The following POMGNT1 variants were observed in gnomAD, a reference collection of about 807,000 sequenced individuals.
The protein encoded by POMGNT1 is protein O-linked mannose N-acetylglucosaminyltransferase 1 (beta 1,2-), also known as protein O-linked-mannose beta-1,2-N-acetylglucosaminyltransferase 1.
Under a neutral mutation model 95.6 loss-of-function variants are expected in POMGNT1, and 67 were observed. The observed-to-expected ratio is 0.70, with a 90% confidence interval of 0.58 to 0.86. The LOEUF is 0.86. Among genes scored for constraint, POMGNT1 ranks in the 40% least tolerant of loss-of-function variants. The pLI, the probability that POMGNT1 is intolerant of heterozygous loss-of-function variation, is 0.00. For synonymous variants in POMGNT1, 298 were observed against 317.9 expected (o/e 0.94, Z 0.66); for missense variants, 719 against 855.2 (o/e 0.84, Z 1.99).
At chr1:46,203,142 G>C (rs1426547653), upstream of POMGNT1, among the ~76,000 whole-genome samples, 1 of 152,118 alleles carries the variant, frequency 6.6e-6, no homozygotes, top group Non-Finnish European at 1.5e-5. Context: ...TTCAGTGCCA[G>C]GGTGGGGCGA....
chr1:46,198,008 C>T (rs769271841), intron 1 of POMGNT1, 137 bp from the exon 2 acceptor site: 13 of 797,474 alleles, frequency 1.6e-5, no homozygotes, highest in Admixed American at 2.9e-5. Flanking sequence ...AGTGGCTCAA[C>T]TTCTCTGGGC....
rs567544680 is a variant in POMGNT1 at position 46,206,272 on chromosome 1, AG to A, written c.-50-8402del. ...CCTCAGTTTTTCCTCCTTTTGGTGG[AG>A]GGGGTAGAGGGAGATGGGGACTGTG... is the stretch of plus-strand genomic sequence containing the variant. On this transcript the variant is annotated intron_variant, in intron 1 of 22. Coordinates refer to the POMGNT1 transcript ENST00000371992. 4.9e-3 allele frequency among the ~76,000 whole-genome samples: 739 copies of A among 152,210 alleles called. 9 individuals are homozygous for A. Among genetic ancestry groups the A allele is most frequent in the Non-Finnish European group, 3.5e-3 (236 of 68,006 alleles).
intron 7 of POMGNT1, 85 bp from the exon 8 acceptor site, chr1:46,194,736 A>G: frequency 1.2e-6 from 2 of 1,613,888 alleles, no homozygotes; most frequent in East Asian, 4.5e-5. Context: ...CTTTCATCCA[A>G]CCCACTGCCA....
intron 14 of POMGNT1, 78 bp from the exon 15 acceptor site, chr1:46,192,668 G>T: frequency 1.9e-6 from 3 of 1,603,580 alleles, no homozygotes; most frequent in Non-Finnish European, 2.6e-6. Flanking sequence ...AATTGCTGGA[G>T]CTGGGTCTCA....
chr1:46,194,666 G>A lies in POMGNT1; in HGVS notation c.653-15C>T, dbSNP rs2148203041. The A allele has an allele frequency of 6.2e-7, 1 of 1,614,262 alleles. No individual in the cohort carries two copies. Among genetic ancestry groups the A allele is most frequent in the Non-Finnish European group, 8.5e-7 (1 of 1,180,056 alleles). On this transcript the variant is annotated splice_polypyrimidine_tract_variant and intron_variant, in intron 7 of 21. Coordinates refer to ENST00000371984, the MANE Select transcript of POMGNT1 (RefSeq NM_017739.4). ...GAAGACAGGACCTGGCAGGAGGCAG[G>A]AATGAGGGCCATGGGGGCCCAGACA...
rs181977554 is a variant in POMGNT1, at chr1:46,196,175, C to T, written c.355-98G>A. 680 of 1,588,766 alleles carry T rather than the reference C, an allele frequency of 4.3e-4. 4 individuals are homozygous for T. The highest frequency in any genetic ancestry group is 2.7e-5 in the Non-Finnish European group (32 of 1,170,404). ...AAACACCAGCTGCTTGAAACATCAC[C>T]TCCTGCCTATGTTTCTGTTCACACA... On this transcript the variant is annotated intron_variant, in intron 4 of 21. Coordinates refer to ENST00000371984, the MANE Select transcript of POMGNT1 (RefSeq NM_017739.4). The surrounding 1 kb of genome is among the most constrained non-coding windows in gnomAD (Gnocchi z 4.4).
upstream of POMGNT1, among the ~76,000 whole-genome samples, chr1:46,203,165 C>T (rs1658599996): frequency 6.6e-6 from 1 of 152,114 alleles, no homozygotes; most frequent in South Asian, 2.1e-4. Flanking sequence ...GCGCTGAGGT[C>T]TCCGAGTGCT....
intron 18 of POMGNT1, 85 bp from the exon 19 acceptor site, chr1:46,190,602 G>A: frequency 6.5e-7 from 1 of 1,532,836 alleles, no homozygotes; most frequent in Non-Finnish European, 9.0e-7. Flanking sequence ...GGGGTCACAT[G>A]GGAATCTGTA....
chr1:46,197,260 C>A, intron 2 of POMGNT1, 176 bp from the exon 3 acceptor site: 1 of 1,531,072 alleles, frequency 6.5e-7, no homozygotes, highest in African/African-American at 1.4e-5. Context: ...GCCACTTTCC[C>A]CAGGGAACCT....
exon 1 of POMGNT1, chr1:46,220,233 C>G (rs1305650130): frequency 6.3e-7 from 1 of 1,585,960 alleles, no homozygotes; most frequent in South Asian, 1.1e-5. Flanking sequence ...ACTATTCCAC[C>G]CTTTTGTAAT....
rs1350227349 is a variant in POMGNT1 at position 46,189,494 on chromosome 1, T to C, written c.1859A>G (p.His620Arg). 3 of 1,613,544 alleles carry C rather than the reference T, an allele frequency of 1.9e-6. No individual in the cohort carries two copies. Among genetic ancestry groups the C allele is most frequent in the East Asian group, 2.2e-5 (1 of 44,862 alleles). ...GLWRLFRKKN[H>R]FLMVGVPASP... The stretch of plus-strand genomic sequence containing the variant: ...AGCCGGGACCCCCACCATCAGGAAG[T>C]GGTTCTTCTTCCGAAACAATCTCCA... The change falls in exon 21 of 22, where the codon CAC becomes CGC. Residue 620 changes from histidine (H) to arginine (R), a missense_variant. By Grantham distance (29) the His-to-Arg change is conservative. Coordinates refer to ENST00000371984, the MANE Select transcript of POMGNT1 (RefSeq NM_017739.4).
Position 46,189,520 on chromosome 1 carries a change from CA to C in POMGNT1, c.1832del (p.Leu611ArgfsTer12), listed in dbSNP as rs587777822. ...GGTTCTTCTTCCGAAACAATCTCCA[CA>C]GGCCCCGATGGTTGCCACGCACATC... ...DLDVRGNHRG[L>X]WRLFRKKNHF... On this transcript the variant is annotated frameshift_variant, in exon 21 of 22. Coordinates refer to ENST00000371984, the MANE Select transcript of POMGNT1 (RefSeq NM_017739.4). LOFTEE classifies it high-confidence loss of function. The C allele has an allele frequency of 6.2e-7, 1 of 1,613,610 alleles. No homozygotes were observed. The highest frequency in any genetic ancestry group is 2.2e-5 in the East Asian group (1 of 44,876).
chr1:46,219,447 G>A (rs1248498309), intron 1 of POMGNT1, among the ~76,000 whole-genome samples: 1 of 152,212 alleles, frequency 6.6e-6, no homozygotes, highest in South Asian at 2.1e-4. Flanking sequence ...CAGCTACCCT[G>A]TGAGGTAAGT....
upstream of POMGNT1, among the ~76,000 whole-genome samples, chr1:46,202,696 CAAAAAAAA>C (rs768113273): frequency 5.6e-3 from 179 of 32,248 alleles, 1 homozygote; most frequent in Non-Finnish European, 6.8e-3. Flanking sequence ...GACTCTGTCT[CAAAAAAAA>C]AAAAAAAAAA....
chr1:46,205,644 G>A (rs973526355), intron 1 of POMGNT1, among the ~76,000 whole-genome samples: 1 of 152,172 alleles, frequency 6.6e-6, no homozygotes, highest in Non-Finnish European at 1.5e-5. Context: ...TTTTGATTTT[G>A]TCTCTCTGTA....
At chr1:46,212,499 T>C (rs1162770705) in intron 1 of POMGNT1, among the ~76,000 whole-genome samples, 6 of 152,074 alleles carry the variant, frequency 3.9e-5, no homozygotes, top group African/African-American at 1.2e-4. Flanking sequence ...GCCAGGATGG[T>C]CTTGATCTCC....
chr1:46,189,598 G>C (rs374595872), intron 20 of POMGNT1, 31 bp from the exon 21 acceptor site: 24 of 1,592,246 alleles, frequency 1.5e-5, no homozygotes, highest in Non-Finnish European at 2.0e-5. Context: ...ACAGAGACAT[G>C]GGTCAGAGAG....
chr1:46,215,966 T>G (rs1659051946), intron 1 of POMGNT1, among the ~76,000 whole-genome samples: 1 of 152,072 alleles, frequency 6.6e-6, no homozygotes, highest in Non-Finnish European at 1.5e-5. Context: ...AACCTGGAAT[T>G]CTATATCCTG....
At chr1:46,206,441 T>C (rs1658719562) in intron 1 of POMGNT1, among the ~76,000 whole-genome samples, 1 of 152,094 alleles carries the variant, frequency 6.6e-6, no homozygotes, top group Non-Finnish European at 1.5e-5. Flanking sequence ...ACCCCAGCGC[T>C]GGGCAGAGAG....
Sources: gnomAD v4.1 joint callset for allele counts (sites outside exome capture counted in the v4.1 genomes callset) on GRCh38, gnomAD v4.1.1 for gene constraint, Gnocchi (gnomAD v3.1) non-coding constraint, MANE v1.5 for transcripts, NCBI Gene and HGNC (gene_info 2026-07-23, HGNC 2026-07-21) for gene names.